FSBP: variants seen among roughly 807,000 people sequenced by gnomAD.
FSBP encodes the protein fibrinogen silencer binding protein.
A neutral mutation model predicts 24.6 loss-of-function variants in FSBP; 18 were observed. That is an observed-to-expected ratio of 0.73 (90% CI 0.51 to 1.08). FSBP has a LOEUF of 1.08. FSBP is among the 50% of genes least tolerant of loss of function. The probability of loss-of-function intolerance (pLI) is 0.00; values close to 1 mark genes in which losing one functional copy is unlikely to be tolerated. For missense variants in FSBP, 305 were observed against 347.6 expected (o/e 0.88, Z 0.98); for synonymous variants, 110 against 125.8 (o/e 0.87, Z 0.84).
At position 94,430,277 on chromosome 8, in the gene FSBP, C is replaced by T; in HGVS notation, c.*1854G>A. Reference sequence around the variant, plus strand: ...AGTGAGCCAACATCGCACCACTGCACTCCAACCTAGGTGACAAAGCAAGAC... The same window carrying T: ...AGTGAGCCAACATCGCACCACTGCATTCCAACCTAGGTGACAAAGCAAGAC... On this transcript the variant is annotated 3_prime_UTR_variant, in exon 2 of 2. Coordinates refer to ENST00000481490, the MANE Select transcript of FSBP (RefSeq NM_001256141.2). The T allele has an allele frequency of 7.7e-6, 7 of 913,192 alleles. No homozygotes were observed. Among genetic ancestry groups the T allele is most frequent in the Non-Finnish European group, 9.1e-6 (7 of 766,946 alleles). 56.6% of individuals were successfully genotyped at this position (913,192 alleles called of 1,614,324 possible).
chr8:94,430,346 A>G lies in FSBP; in HGVS notation c.*1785T>C. The G allele has an allele frequency of 2.0e-6, 2 of 984,096 alleles. No homozygotes were observed. Among genetic ancestry groups the G allele is most frequent in the Non-Finnish European group, 2.4e-6 (2 of 828,862 alleles). 61.0% of individuals were successfully genotyped at this position (984,096 alleles called of 1,614,324 possible). On this transcript the variant is annotated 3_prime_UTR_variant, in exon 2 of 2. Coordinates refer to ENST00000481490, the MANE Select transcript of FSBP (RefSeq NM_001256141.2). ...AAAAAAAGTATTTAATGTAATTCAT[A>G]ATCTGGTATCAACCATCATCCAAAT...
At position 94,436,679 on chromosome 8, in the gene FSBP, T is replaced by G. The variant is rs1406322584; in HGVS notation, c.190A>C (p.Thr64Pro). ...TAAAGGGTGCGTAGGCCCTGTGCTG[T>G]TCGAGGAGGGCGGTCTACTCCAATT... is the stretch of plus-strand genomic sequence containing the variant. ...NAIGVDRPPR[T>P]AQGLRTLYKR... is the part of the protein sequence containing the mutation. Residue 64 changes from threonine to proline, a missense_variant, in exon 1 of 2, where the codon ACA (threonine) becomes CCA (proline). Thr to Pro is a conservative substitution (Grantham distance 38). Coordinates refer to ENST00000481490, the MANE Select transcript of FSBP (RefSeq NM_001256141.2). 6.4e-7 allele frequency: 1 copy of G among 1,550,658 alleles called. No individual in the cohort carries two copies. The highest frequency in any genetic ancestry group is 1.4e-5 in the African/African-American group (1 of 73,178).
chr8:94,430,510 T>G lies in FSBP; in HGVS notation c.*1621A>C. 4 of 912,840 alleles carry G rather than the reference T, an allele frequency of 4.4e-6. No homozygotes were observed. In the South Asian group the frequency reaches 1.5e-4, roughly 35 times the overall value. The allele number at this position is 912,840 out of a possible 1,614,324, so 56.5% of individuals were successfully genotyped here. On this transcript the variant is annotated 3_prime_UTR_variant, in exon 2 of 2. Coordinates refer to ENST00000481490, the MANE Select transcript of FSBP (RefSeq NM_001256141.2). ...GCATGCATCAGAATCGCTAAAGGGT[T>G]TATTAAAAGAGATTGCTGACACCCC...
At chr8:94,435,548 T>C (rs889725407) in intron 1 of FSBP, among the ~76,000 whole-genome samples, 1 of 152,122 alleles carries the variant, frequency 6.6e-6, no homozygotes, top group Non-Finnish European at 1.5e-5. Flanking sequence ...GTTTACAATT[T>C]GTTTAAATTA....
Position 94,436,659 on chromosome 8 carries a change from G to T in FSBP, c.210C>A (p.Thr70=). Residue 70 remains threonine (T), a synonymous_variant, in exon 1 of 2, where the codon ACC becomes ACA. Transcript: ENST00000481490. ...RPPRTAQGLR[T]LYKRLKEYAK... The stretch of plus-strand genomic sequence containing the variant: ...CATATTCTTTGAGCCTTTTATAAAG[G>T]GTGCGTAGGCCCTGTGCTGTTCGAG... The T allele has an allele frequency of 6.4e-7, 1 of 1,550,406 alleles. No homozygotes were observed. The highest frequency in any genetic ancestry group is 8.7e-7 in the Non-Finnish European group (1 of 1,146,930).
chr8:94,430,468 C>G lies in FSBP; in HGVS notation c.*1663G>C. ...CGAGGTTCCAAAATACTCTGTTTCA[C>G]TGGTTCTCAAACTTTAGCATGCATC... On this transcript the variant is annotated 3_prime_UTR_variant, in exon 2 of 2. Transcript: ENST00000481490. The G allele has an allele frequency of 1.0e-6, 1 of 983,136 alleles. No individual in the cohort carries two copies. Among genetic ancestry groups the G allele is most frequent in the South Asian group, 4.7e-5 (1 of 21,236 alleles). The allele number at this position is 983,136 out of a possible 1,614,324, so 60.9% of individuals were successfully genotyped here. A position where few individuals can be genotyped will look rare whatever the true frequency, so the allele number is the denominator to read the frequency against.
intron 1 of FSBP, among the ~76,000 whole-genome samples, chr8:94,434,017 G>A (rs1352863972): frequency 6.6e-6 from 1 of 151,452 alleles, no homozygotes; most frequent in South Asian, 2.1e-4. Flanking sequence ...TCTATTTGTA[G>A]GTTATATAAA....
rs1044989697 is a variant in FSBP, at chr8:94,429,809, A to G, written c.*2322T>C. ...AAAACACCCTCTTTTTAATCCAACC[A>G]ATGAAATTAAGTAGTCAACATGCTA... On this transcript the variant is annotated 3_prime_UTR_variant, in exon 2 of 2. Transcript: ENST00000481490. 12 of 985,224 alleles carry G rather than the reference A, an allele frequency of 1.2e-5. No individual in the cohort carries two copies. The highest frequency in any genetic ancestry group is 1.4e-5 in the Non-Finnish European group (12 of 829,908). The allele number at this position is 985,224 out of a possible 1,614,324, so 61.0% of individuals were successfully genotyped here. A position where few individuals can be genotyped will look rare whatever the true frequency, so the allele number is the denominator to read the frequency against.
rs1022832802 is a variant in FSBP, at chr8:94,436,840, A to G, written c.29T>C (p.Phe10Ser). MVGKARSSN[F>S]TLSEKLDLLK... ...CAAATCAAGCTTTTCGGATAAGGTA[A>G]AATTGGAAGATCTAGCCTTTCCTAC... The change falls in exon 1 of 2, where the codon TTT (phenylalanine) becomes TCT (serine). Residue 10 changes from phenylalanine to serine, a missense_variant. Physicochemically the swap from Phe to Ser is radical, Grantham distance 155. Coordinates refer to ENST00000481490, the MANE Select transcript of FSBP (RefSeq NM_001256141.2). 12 of 1,540,638 alleles carry G rather than the reference A, an allele frequency of 7.8e-6. No individual in the cohort carries two copies. In the Admixed American group the frequency reaches 2.2e-4, roughly 29 times the overall value.
At position 94,432,266 on chromosome 8, in the gene FSBP, C is replaced by T; in HGVS notation, c.765G>A (p.Leu255=). 1 of 1,550,298 alleles carries T rather than the reference C, an allele frequency of 6.5e-7. No homozygotes were observed. The highest frequency in any genetic ancestry group is 1.2e-5 in the South Asian group (1 of 84,044). Residue 255 remains leucine (L), a synonymous_variant, in exon 2 of 2, where the codon TTG becomes TTA. Coordinates refer to ENST00000481490, the MANE Select transcript of FSBP (RefSeq NM_001256141.2). The part of the protein sequence containing the change: ...IILENQKNFG[L]YVQEKRDGLK... ...ATCCATCCCTCTTCTCCTGAACATACAATCCAAAATTTTTTTGATTTTCTA... is the reference window on the plus strand; with the variant it reads ...ATCCATCCCTCTTCTCCTGAACATATAATCCAAAATTTTTTTGATTTTCTA...
Position 94,429,746 on chromosome 8 carries a change from A to G in FSBP, c.*2385T>C. Reference sequence around the variant, plus strand: ...GGATATATCAAGTTATATATTCAGGACATCTTTATAATTAAAGAAGTTAAC... The same window carrying G: ...GGATATATCAAGTTATATATTCAGGGCATCTTTATAATTAAAGAAGTTAAC... On this transcript the variant is annotated 3_prime_UTR_variant, in exon 2 of 2. Coordinates refer to ENST00000481490, the MANE Select transcript of FSBP (RefSeq NM_001256141.2). The G allele has an allele frequency of 1.0e-6, 1 of 984,404 alleles. No individual in the cohort carries two copies. Among genetic ancestry groups the G allele is most frequent in the Non-Finnish European group, 1.2e-6 (1 of 828,978 alleles). The allele number at this position is 984,404 out of a possible 1,614,324, so 61.0% of individuals were successfully genotyped here. A position where few individuals can be genotyped will look rare whatever the true frequency, so the allele number is the denominator to read the frequency against.
At chr8:94,434,502 A>G (rs1024903849) in intron 1 of FSBP, among the ~76,000 whole-genome samples, 1 of 151,894 alleles carries the variant, frequency 6.6e-6, no homozygotes. Flanking sequence ...GAAAATAAAT[A>G]GCCTTACAAA....
chr8:94,435,584 T>C (rs1372162683), intron 1 of FSBP, among the ~76,000 whole-genome samples: 1 of 152,120 alleles, frequency 6.6e-6, no homozygotes, highest in Non-Finnish European at 1.5e-5. Context: ...AATAAGAATG[T>C]AGCTGCCATT....
In FSBP at chr8:94,429,139, G is replaced by C. The variant is rs1812019088; in HGVS notation, c.*2992C>G. 5 of 982,298 alleles carry C rather than the reference G, an allele frequency of 5.1e-6. No individual in the cohort carries two copies. Among genetic ancestry groups the C allele is most frequent in the Non-Finnish European group, 6.0e-6 (5 of 827,102 alleles). 60.8% of individuals were successfully genotyped at this position (982,298 alleles called of 1,614,324 possible). ...TAAACTCAAAGAGTGTGATTCTGGT[G>C]TTTAAAAATATGTAAAAATAGGTTT... On this transcript the variant is annotated 3_prime_UTR_variant, in exon 2 of 2. Coordinates refer to ENST00000481490, the MANE Select transcript of FSBP (RefSeq NM_001256141.2).
chr8:94,434,675 T>C (rs1586020056), intron 1 of FSBP, among the ~76,000 whole-genome samples: 1 of 151,278 alleles, frequency 6.6e-6, no homozygotes, highest in East Asian at 1.9e-4. Flanking sequence ...ATGATATCAA[T>C]CAAATAAATA....
At position 94,436,577 on chromosome 8, in the gene FSBP, A is replaced by C. The variant is rs1286939187; in HGVS notation, c.292T>G (p.Ser98Ala). The change falls in exon 1 of 2, where the codon TCT becomes GCT. Residue 98 changes from serine (S) to alanine (A), a missense_variant. Ser to Ala is a moderately conservative substitution (Grantham distance 99). Coordinates refer to ENST00000481490, the MANE Select transcript of FSBP (RefSeq NM_001256141.2). ...ETQSDFKSNISEPTKKVMEMI... is the reference protein window; with the variant it reads ...ETQSDFKSNIAEPTKKVMEMI... ...TCCATAACTTTCTTGGTTGGCTCAG[A>C]AATATTGCTTTTAAAATCTGATTGG... The C allele has an allele frequency of 6.4e-7, 1 of 1,550,530 alleles. No homozygotes were observed. Among genetic ancestry groups the C allele is most frequent in the East Asian group, 2.4e-5 (1 of 40,920 alleles).
At chr8:94,432,736 T>C in intron 1 of FSBP, 80 bp from the exon 2 acceptor site, 2 of 1,371,180 alleles carry the variant, frequency 1.5e-6, no homozygotes, top group South Asian at 2.0e-5. Context: ...TTTAATTTAA[T>C]GTACATTAAA....
At position 94,432,136 on chromosome 8, in the gene FSBP, G is replaced by C. The variant is rs1167584569; in HGVS notation, c.895C>G (p.Leu299Val). Residue 299 changes from leucine to valine, a missense_variant, in exon 2 of 2, where the codon CTC (leucine) becomes GTC (valine). By Grantham distance (32) the Leu-to-Val change is conservative. Coordinates refer to ENST00000481490, the MANE Select transcript of FSBP (RefSeq NM_001256141.2). ...TGCAAGATTGAAAAAAAAACTTAGA[G>C]ACTGTTATATTCAGGTAGATCATGC... is the stretch of plus-strand genomic sequence containing the variant. ...LRHDLPEYNSL is the reference protein window; with the variant it reads ...LRHDLPEYNSV 1 of 1,522,194 alleles carries C rather than the reference G, an allele frequency of 6.6e-7. No homozygotes were observed. The highest frequency in any genetic ancestry group is 8.8e-7 in the Non-Finnish European group (1 of 1,136,496). 94.3% of individuals were successfully genotyped at this position (1,522,194 alleles called of 1,614,324 possible).
At chr8:94,435,347 C>T (rs2130117270) in intron 1 of FSBP, among the ~76,000 whole-genome samples, 1 of 152,092 alleles carries the variant, frequency 6.6e-6, no homozygotes, top group South Asian at 2.1e-4. Flanking sequence ...AAGCTAGGCT[C>T]AAAAATACTT....
Sources: gnomAD v4.1 joint callset for allele counts (sites outside exome capture counted in the v4.1 genomes callset) on GRCh38, gnomAD v4.1.1 for gene constraint, MANE v1.5 for transcripts, NCBI Gene and HGNC (gene_info 2026-07-23, HGNC 2026-07-21) for gene names.